Variants in SP110 observed in about 807,000 individuals in gnomAD.
SP110 encodes interferon-induced protein 41, 30kD.
In SP110, 62 loss-of-function variants were observed where a neutral mutation model predicts 92.7. The observed-to-expected ratio is 0.67, with a 90% CI of 0.55 to 0.83. SP110 has a LOEUF of 0.83. Ranked by LOEUF, SP110 falls within the 40% of genes least tolerant of loss-of-function variation. The pLI is 0.00. For missense variants in SP110, 793 were observed against 863.9 expected, an observed-to-expected ratio of 0.92 and a Z score of 1.03; for synonymous variants, 273 against 305.3, an observed-to-expected ratio of 0.89 and a Z score of 1.10.
chr2:230,212,413 TTA>T lies in SP110; in HGVS notation c.599_600del (p.Leu200TyrfsTer19), dbSNP rs1176454168. ...TCTTCTTCCGCATTCATTTTGGATGTTAACTTGTCATTGGTCACTGAAGGAGG... is the reference window on the plus strand; with the variant it reads ...TCTTCTTCCGCATTCATTTTGGATGTACTTGTCATTGGTCACTGAAGGAGG... ...GRSTSVTNDKLTSKMNAEEDS... is the reference protein window; with the variant it reads ...GRSTSVTNDKXTSKMNAEEDS... On this transcript the variant is annotated frameshift_variant, in exon 5 of 19. Coordinates refer to ENST00000258381, the MANE Select transcript of SP110 (RefSeq NM_080424.4). LOFTEE classifies it high-confidence loss of function. 3 of 1,611,656 alleles carry T rather than the reference TTA, an allele frequency of 1.9e-6. No homozygotes were observed. Among genetic ancestry groups the T allele is most frequent in the Non-Finnish European group, 2.5e-6 (3 of 1,177,720 alleles).
At chr2:230,209,811 C>T in intron 7 of SP110, 120 bp downstream of exon 7, 1 of 737,648 alleles carries the variant, frequency 1.4e-6, no homozygotes, top group Non-Finnish European at 2.5e-6. Flanking sequence ...CAGAAACGAA[C>T]TGTGTGTGGC....
intron 12 of SP110, among the ~76,000 whole-genome samples, chr2:230,179,282 T>A (rs2042013443): frequency 6.6e-6 from 1 of 152,052 alleles, no homozygotes; most frequent in Non-Finnish European, 1.5e-5. Flanking sequence ...ACAGGATGCC[T>A]GGCCTCACAG....
In SP110 at chr2:230,212,754, T is replaced by C. The variant is rs1280680899; in HGVS notation, c.583+7A>G. 3 of 1,614,004 alleles carry C rather than the reference T, an allele frequency of 1.9e-6. No individual in the cohort carries two copies. The Admixed American group carries it at 5.0e-5, about 27-fold the overall frequency. The stretch of plus-strand genomic sequence containing the variant: ...TATACAGGTGTTGGATGGGATCTGT[T>C]TCTCACCTGAAGTGCTTCTTCCTTC... On this transcript the variant is annotated splice_region_variant and intron_variant, in intron 4 of 18. Transcript: ENST00000258381.
intron 7 of SP110, 95 bp from the exon 8 acceptor site, chr2:230,208,154 A>T (rs1298475609): frequency 2.7e-6 from 2 of 751,808 alleles, no homozygotes; most frequent in East Asian, 2.5e-5. Context: ...TCTTCAAACC[A>T]CATTGCTAGA....
At chr2:230,217,105 G>T (rs1457461040) in intron 1 of SP110, among the ~76,000 whole-genome samples, 177 bp from the exon 2 acceptor site, 1 of 152,108 alleles carries the variant, frequency 6.6e-6, no homozygotes, top group Non-Finnish European at 1.5e-5. Context: ...AATTAGCTGG[G>T]TGTGGTGGCG....
chr2:230,185,956 T>C (rs776163637), intron 11 of SP110, 38 bp downstream of exon 11: 1 of 1,590,270 alleles, frequency 6.3e-7, no homozygotes, highest in Non-Finnish European at 8.6e-7. Flanking sequence ...CCTCCTACAT[T>C]GAGCTATTCA....
intron 14 of SP110, chr2:230,177,256 C>G: frequency 2.2e-6 from 1 of 451,584 alleles, no homozygotes; most frequent in Non-Finnish European, 4.1e-6. Flanking sequence ...CATCTGTCTT[C>G]AGCTAGTTTC....
rs771453507 is a variant in SP110, at chr2:230,216,891, A to T, written c.37T>A (p.Phe13Ile). ...AGCTTCTGGTGCATGAAGTGCTGAAAAAGAGCCTCTTCCATGGCTCTTGTC... is the reference window on the plus strand; with the variant it reads ...AGCTTCTGGTGCATGAAGTGCTGAATAAGAGCCTCTTCCATGGCTCTTGTC... ...TMTRAMEEAL[F>I]QHFMHQKLGI... is the part of the protein sequence containing the mutation. The change falls in exon 2 of 19, where the codon TTT becomes ATT. Residue 13 changes from phenylalanine (F) to isoleucine (I), a missense_variant. By Grantham distance (21) the Phe-to-Ile change is conservative. Transcript: ENST00000258381. 3 of 1,614,018 alleles carry T rather than the reference A, an allele frequency of 1.9e-6. No homozygotes were observed. The highest frequency in any genetic ancestry group is 3.3e-4 in the Middle Eastern group (2 of 5,978).
At position 230,179,581 on chromosome 2, in the gene SP110, G is replaced by A. The variant is rs375680027; in HGVS notation, c.1349-1326C>T. On this transcript the variant is annotated intron_variant, in intron 12 of 18. Coordinates refer to ENST00000258381, the MANE Select transcript of SP110 (RefSeq NM_080424.4). ...CGTGCATTACTGTTATCAAATTTGAGTGGGAAATTTGCTGCCGCAGGTTCC... is the reference window on the plus strand; with the variant it reads ...CGTGCATTACTGTTATCAAATTTGAATGGGAAATTTGCTGCCGCAGGTTCC... Among the ~76,000 whole-genome samples, 10 of 152,048 alleles carry A rather than the reference G, an allele frequency of 6.6e-5. No individual in the cohort carries two copies. The East Asian group carries it at 1.6e-3, about 24-fold the overall frequency.
intron 15 of SP110, 110 bp from the exon 16 acceptor site, chr2:230,172,284 G>A: frequency 1.3e-6 from 1 of 789,476 alleles, no homozygotes; most frequent in Non-Finnish European, 2.3e-6. Flanking sequence ...CCATGAGGGT[G>A]GGACACCTCC....
intron 3 of SP110, 145 bp downstream of exon 3, chr2:230,214,805 G>C (rs536202623): frequency 1.4e-6 from 1 of 710,572 alleles, no homozygotes; most frequent in African/African-American, 1.8e-5. Context: ...TGCTCCTGCA[G>C]CTGTACCAAT....
At position 230,213,009 on chromosome 2, in the gene SP110, C is replaced by G. The variant is rs757092766; in HGVS notation, c.335G>C (p.Trp112Ser). 2 of 1,613,878 alleles carry G rather than the reference C, an allele frequency of 1.2e-6. No individual in the cohort carries two copies. Among genetic ancestry groups the G allele is most frequent in the African/African-American group, 1.3e-5 (1 of 74,892 alleles). The change falls in exon 4 of 19, where the codon TGG becomes TCG. Residue 112 changes from tryptophan (W) to serine (S), a missense_variant. Coordinates refer to ENST00000258381, the MANE Select transcript of SP110 (RefSeq NM_080424.4). ...SFKRVGASYE[W>S]QSRDTPILLE... The stretch of plus-strand genomic sequence containing the variant: ...TAGGATTGGTGTGTCTCTGCTCTGC[C>G]ATTCATAGGAAGCACCAACTGGGAT...
At chr2:230,177,976 G>A (rs924317828) in intron 13 of SP110, among the ~76,000 whole-genome samples, 181 bp downstream of exon 13, 1 of 152,146 alleles carries the variant, frequency 6.6e-6, no homozygotes, top group South Asian at 2.1e-4. Context: ...GGAGTGGAGG[G>A]TCTGATTGCC....
chr2:230,222,428 A>T (rs1246559401), upstream of SP110, among the ~76,000 whole-genome samples: 1 of 152,174 alleles, frequency 6.6e-6, no homozygotes, highest in Non-Finnish European at 1.5e-5. Context: ...CAAGATGTAG[A>T]CCATTTCTAG....
chr2:230,176,829 C>A, intron 14 of SP110: 3 of 1,212,882 alleles, frequency 2.5e-6, no homozygotes. Flanking sequence ...AGACATCACA[C>A]TGGATCTCAA....
At chr2:230,209,424 ATGATAT>A (rs763138780) in intron 7 of SP110, among the ~76,000 whole-genome samples, 1 of 152,116 alleles carries the variant, frequency 6.6e-6, no homozygotes. Context: ...AAATTATTGG[ATGATAT>A]TGATGATGAG....
intron 10 of SP110, among the ~76,000 whole-genome samples, chr2:230,198,596 A>G (rs1283458129): frequency 6.6e-6 from 1 of 151,314 alleles, no homozygotes; most frequent in Admixed American, 6.6e-5. Flanking sequence ...AAATGATAGA[A>G]TTTTTTTTTC....
chr2:230,180,805 C>T (rs550207080), intron 12 of SP110, among the ~76,000 whole-genome samples: 4 of 152,308 alleles, frequency 2.6e-5, no homozygotes, highest in African/African-American at 7.2e-5. Flanking sequence ...CAACTGTCAA[C>T]GTTTGCCGGG....
Position 230,172,877 on chromosome 2 carries a change from T to C in SP110, c.1673A>G (p.Glu558Gly), listed in dbSNP as rs1390071189. 3 of 1,613,998 alleles carry C rather than the reference T, an allele frequency of 1.9e-6. No homozygotes were observed. In the South Asian group the frequency reaches 3.3e-5, roughly 18 times the overall value. ...TTCCACAGGGGGGATGTGACAGTCC[T>C]CATGGAAGACTCGTGGACAAGTACC... ...CCGTCPRVFH[E>G]DCHIPPVEAK... The change falls in exon 15 of 19, where the codon GAG (glutamate) becomes GGG (glycine). Residue 558 changes from glutamate to glycine, a missense_variant. Coordinates refer to ENST00000258381, the MANE Select transcript of SP110 (RefSeq NM_080424.4).
Sources: gnomAD v4.1 joint callset for allele counts (sites outside exome capture counted in the v4.1 genomes callset) on GRCh38, gnomAD v4.1.1 for gene constraint, MANE v1.5 for transcripts, NCBI Gene and HGNC (gene_info 2026-07-23, HGNC 2026-07-21) for gene names.